Variants in TAF4B observed in about 807,000 individuals in gnomAD.
TAF4B encodes transcription initiation factor TFIID subunit 4B.
A neutral mutation model predicts 86.4 loss-of-function variants in TAF4B; 38 were observed. That is an observed-to-expected ratio of 0.44 (90% CI 0.34 to 0.58). TAF4B has a LOEUF of 0.58. Ranked by LOEUF, TAF4B falls within the 20% of genes least tolerant of loss-of-function variation. The pLI, the probability that TAF4B is intolerant of heterozygous loss-of-function variation, is 0.02. For missense variants in TAF4B, 988 were observed against 1,027.6 expected (o/e 0.96, Z 0.53); for synonymous variants, 388 against 391.2 (o/e 0.99, Z 0.10).
At chr18:26,261,401 C>T (rs551983651) in intron 1 of TAF4B, among the ~76,000 whole-genome samples, 40 of 152,024 alleles carry the variant, frequency 2.6e-4, no homozygotes, top group Middle Eastern at 3.4e-3. Context: ...GGGGTTTCAC[C>T]GTTTTAGCCG....
chr18:26,312,346 G>T (rs1279949663), intron 9 of TAF4B, among the ~76,000 whole-genome samples: 2 of 152,042 alleles, frequency 1.3e-5, no homozygotes, highest in Admixed American at 1.3e-4. Flanking sequence ...AAATAGCTTG[G>T]GTGCTGTTTT....
At chr18:26,285,859 T>G in intron 6 of TAF4B, 23 bp from the exon 7 acceptor site, 2 of 1,584,110 alleles carry the variant, frequency 1.3e-6, no homozygotes, top group Non-Finnish European at 1.7e-6. Context: ...GCAGTGTTTT[T>G]TTCCATTCCT....
At chr18:26,370,665 G>T (rs73946385) in intron 14 of TAF4B, among the ~76,000 whole-genome samples, 16,895 of 152,188 alleles carry the variant, frequency 0.11, 967 homozygotes, top group Middle Eastern at 0.14. Context: ...TTTGCCTGCA[G>T]TTACCTGAGG....
intron 1 of TAF4B, among the ~76,000 whole-genome samples, chr18:26,260,328 T>G (rs575886831): frequency 7.2e-5 from 11 of 152,352 alleles, no homozygotes; most frequent in Admixed American, 5.9e-4. Flanking sequence ...GCCATTGCTT[T>G]TGGTGTTTTA....
At chr18:26,257,114 T>C (rs530285682) in intron 1 of TAF4B, among the ~76,000 whole-genome samples, 1 of 152,334 alleles carries the variant, frequency 6.6e-6, no homozygotes, top group South Asian at 2.1e-4. Flanking sequence ...AGTTGGTTTA[T>C]AGTTTTTTCA....
At chr18:26,341,499 TAAATC>T (rs2057135464) in intron 13 of TAF4B, among the ~76,000 whole-genome samples, 1 of 152,200 alleles carries the variant, frequency 6.6e-6, no homozygotes, top group African/African-American at 2.4e-5. Context: ...ACACAATTTA[TAAATC>T]AAATGTTATT....
chr18:26,332,923 T>G (rs1301574398), intron 12 of TAF4B, among the ~76,000 whole-genome samples: 1 of 152,052 alleles, frequency 6.6e-6, no homozygotes, highest in Non-Finnish European at 1.5e-5. Flanking sequence ...CTCTTTCACC[T>G]TTTTTCTATG....
At chr18:26,284,878 AAAG>A (rs769010869) in intron 6 of TAF4B, among the ~76,000 whole-genome samples, 5 of 152,230 alleles carry the variant, frequency 3.3e-5, no homozygotes, top group African/African-American at 7.2e-5. Flanking sequence ...CAATAAGAAA[AAAG>A]AAAATATGCT....
At chr18:26,295,004 G>T (rs1028655104) in intron 9 of TAF4B, among the ~76,000 whole-genome samples, 1 of 149,288 alleles carries the variant, frequency 6.7e-6, no homozygotes, top group African/African-American at 2.4e-5. Flanking sequence ...TCCAGGAAAT[G>T]AATAAACATG....
intron 9 of TAF4B, among the ~76,000 whole-genome samples, chr18:26,314,351 A>AAT (rs1420053403): frequency 6.6e-6 from 1 of 152,080 alleles, no homozygotes; most frequent in East Asian, 1.9e-4. Context: ...TTTACCCTTA[A>AAT]ATATATATAC....
chr18:26,346,893 A>G lies in TAF4B; in HGVS notation c.2317-10797A>G, dbSNP rs796257810. Among the ~76,000 whole-genome samples, 34 of 8,312 alleles carry G rather than the reference A, an allele frequency of 4.1e-3. 7 individuals are homozygous for G. The highest frequency in any genetic ancestry group is 6.3e-3 in the African/African-American group (30 of 4,742). 5.5% of individuals were successfully genotyped at this position (8,312 alleles called of 152,430 possible). A position where few individuals can be genotyped will look rare whatever the true frequency, so the allele number is the denominator to read the frequency against. On this transcript the variant is annotated intron_variant, in intron 13 of 14. Transcript: ENST00000269142. ...TATATATGTGTATATATATATATATATATATATGTGTGTGTATATATATAT... is the reference window on the plus strand; with the variant it reads ...TATATATGTGTATATATATATATATGTATATATGTGTGTGTATATATATAT...
intron 3 of TAF4B, 129 bp downstream of exon 3, chr18:26,267,752 C>G (rs557837003): frequency 1.6e-6 from 1 of 632,358 alleles, no homozygotes; most frequent in Admixed American, 2.7e-5. Flanking sequence ...TATATGATGG[C>G]ACTTATCAAA....
intron 14 of TAF4B, among the ~76,000 whole-genome samples, chr18:26,372,132 A>G (rs1171230359): frequency 6.6e-6 from 1 of 152,234 alleles, no homozygotes; most frequent in East Asian, 1.9e-4. Flanking sequence ...GAATAAACTC[A>G]GCGACTAACA....
chr18:26,352,678 C>T (rs570979880), intron 13 of TAF4B, among the ~76,000 whole-genome samples: 3 of 152,208 alleles, frequency 2.0e-5, no homozygotes, highest in African/African-American at 7.2e-5. Context: ...ATCCCATAAG[C>T]CCAGGAGGTG....
At chr18:26,284,069 T>A (rs1443554782) in intron 6 of TAF4B, among the ~76,000 whole-genome samples, 1 of 148,722 alleles carries the variant, frequency 6.7e-6, no homozygotes, top group Non-Finnish European at 1.5e-5. Context: ...AAAAAAAAAA[T>A]CTTAGCTATA....
chr18:26,293,018 C>T (rs944052114), intron 8 of TAF4B, among the ~76,000 whole-genome samples: 4 of 152,102 alleles, frequency 2.6e-5, no homozygotes, highest in Non-Finnish European at 4.4e-5. Context: ...TATGTACACA[C>T]TTGTATGCAT....
intron 3 of TAF4B, among the ~76,000 whole-genome samples, chr18:26,268,824 A>G (rs779984471): frequency 1.3e-5 from 2 of 151,192 alleles, no homozygotes; most frequent in East Asian, 1.9e-4. Flanking sequence ...GTTTTGTTTT[A>G]TTTTATTTTA....
At chr18:26,231,034 C>CTTTT (rs536863843) in intron 1 of TAF4B, among the ~76,000 whole-genome samples, 2,949 of 65,446 alleles carry the variant, frequency 0.045, 36 homozygotes, top group Non-Finnish European at 0.049. Flanking sequence ...TGTTGTTTTG[C>CTTTT]TTTTTTTTTT....
At chr18:26,319,962 A>G (rs903203509) in intron 10 of TAF4B, among the ~76,000 whole-genome samples, 2 of 152,140 alleles carry the variant, frequency 1.3e-5, no homozygotes, top group Non-Finnish European at 2.9e-5. Context: ...GAGATTAGAG[A>G]GGATTTCAGC....
Sources: gnomAD v4.1 joint callset for allele counts (sites outside exome capture counted in the v4.1 genomes callset) on GRCh38, gnomAD v4.1.1 for gene constraint, MANE v1.5 for transcripts, NCBI Gene and HGNC (gene_info 2026-07-23, HGNC 2026-07-21) for gene names.